The following PRSS23 variants were observed in gnomAD, a reference collection of about 807,000 sequenced individuals.
PRSS23 encodes the protein protease, serine 23.
A neutral mutation model predicts 34.7 loss-of-function variants in PRSS23; 25 were observed. The ratio of observed to expected loss-of-function variants is 0.72; its 90% confidence interval spans 0.53 to 1.01. PRSS23 has a LOEUF of 1.01. PRSS23 is among the 50% of genes least tolerant of loss of function. The pLI is 0.00. For missense variants in PRSS23, 445 were observed against 475.6 expected (o/e 0.94, Z 0.60); for synonymous variants, 176 against 186.6 (o/e 0.94, Z 0.46).
chr11:86,818,010 A>C (rs1565354395), intron 1 of PRSS23, among the ~76,000 whole-genome samples: 1 of 152,224 alleles, frequency 6.6e-6, no homozygotes, highest in Non-Finnish European at 1.5e-5. Context: ...CCATGCCTCC[A>C]GATTGGGAGT....
chr11:86,888,816 C>A (rs1161939725), intron 2 of PRSS23, among the ~76,000 whole-genome samples: 1 of 152,214 alleles, frequency 6.6e-6, no homozygotes, highest in African/African-American at 2.4e-5. Flanking sequence ...AGTTACCAAC[C>A]AGATGCTTCA....
In PRSS23 at chr11:86,824,222, C is replaced by A. The variant is rs937919094; in HGVS notation, c.206+629C>A. Among the ~76,000 whole-genome samples, 3 of 150,476 alleles carry A rather than the reference C, an allele frequency of 2.0e-5. No homozygotes were observed. In the South Asian group the frequency reaches 6.3e-4, roughly 32 times the overall value. On this transcript the variant is annotated intron_variant, in intron 2 of 2. Transcript: ENST00000533902. ...ACTTGGGAGGCTGAGGTGGGAGGAT[C>A]GCTTGAGCCTGGGAGGTGGAGATTG... is the stretch of plus-strand genomic sequence containing the variant.
At chr11:86,915,591 A>G (rs1893501) in intron 2 of PRSS23, among the ~76,000 whole-genome samples, 24,219 of 148,068 alleles carry the variant, frequency 0.16, 2,288 homozygotes, top group East Asian at 0.34. Flanking sequence ...TAATATATAT[A>G]TAACATATAA....
At chr11:86,873,544 A>C (rs1228948354) in intron 2 of PRSS23, among the ~76,000 whole-genome samples, 1 of 151,800 alleles carries the variant, frequency 6.6e-6, no homozygotes, top group Non-Finnish European at 1.5e-5. Flanking sequence ...CAGCCTCCCA[A>C]AGTGTTGGGA....
At chr11:86,796,536 G>A (rs865993140), upstream of PRSS23, among the ~76,000 whole-genome samples, 52 of 150,954 alleles carry the variant, frequency 3.4e-4, 2 homozygotes, top group Middle Eastern at 0.031. Context: ...AGCTACTCGG[G>A]AGGCTGAGGC....
chr11:86,795,379 C>A (rs1469972650), intron 1 of PRSS23, among the ~76,000 whole-genome samples: 1 of 152,188 alleles, frequency 6.6e-6, no homozygotes, highest in Non-Finnish European at 1.5e-5. Context: ...AAGTGAGGCA[C>A]AGAAGGTCAC....
At chr11:86,822,645 G>C (rs1449545248) in intron 1 of PRSS23, among the ~76,000 whole-genome samples, 1 of 146,966 alleles carries the variant, frequency 6.8e-6, no homozygotes, top group Non-Finnish European at 1.5e-5. Context: ...AAAAAATGCA[G>C]AACTAGGACC....
chr11:86,857,919 C>G, intron 2 of PRSS23: 1 of 476,350 alleles, frequency 2.1e-6, no homozygotes, highest in South Asian at 1.7e-5. Flanking sequence ...GGTACATGGA[C>G]AGGGAGAGCC....
chr11:86,923,373 CCTCCCAAAT>C (rs568573717), intron 2 of PRSS23, among the ~76,000 whole-genome samples: 1 of 152,238 alleles, frequency 6.6e-6, no homozygotes, highest in South Asian at 2.1e-4. Context: ...CCCACCTAAG[CCTCCCAAAT>C]TGCTGGGATT....
chr11:86,843,887 C>T (rs1270729082), intron 2 of PRSS23, among the ~76,000 whole-genome samples: 1 of 152,102 alleles, frequency 6.6e-6, no homozygotes, highest in African/African-American at 2.4e-5. Flanking sequence ...CTAGAAATAC[C>T]ATCTGACCCA....
At chr11:86,942,755 ATG>A (rs1464235696) in intron 2 of PRSS23, among the ~76,000 whole-genome samples, 1 of 152,242 alleles carries the variant, frequency 6.6e-6, no homozygotes. Flanking sequence ...TAAGAATTTC[ATG>A]TGAGGCCAAG....
upstream of PRSS23, among the ~76,000 whole-genome samples, chr11:86,797,202 G>A (rs1397299733): frequency 6.6e-6 from 1 of 152,264 alleles, no homozygotes; most frequent in Non-Finnish European, 1.5e-5. Flanking sequence ...TTAAGAAGCA[G>A]TGAGGATTTC....
intron 2 of PRSS23, among the ~76,000 whole-genome samples, chr11:86,918,539 T>C (rs1035766889): frequency 1.3e-5 from 2 of 152,240 alleles, no homozygotes; most frequent in African/African-American, 4.8e-5. Flanking sequence ...TCCCCTTCTC[T>C]GTCTTCATAG....
chr11:86,951,102 C>T (rs200205053), intron 2 of PRSS23: 1 of 1,601,740 alleles, frequency 6.2e-7, no homozygotes. Context: ...TGCTGGCATT[C>T]CCCCCTTCAA....
At chr11:86,877,455 T>G (rs911436789) in intron 2 of PRSS23, among the ~76,000 whole-genome samples, 2 of 152,238 alleles carry the variant, frequency 1.3e-5, no homozygotes, top group African/African-American at 2.4e-5. Flanking sequence ...TTAAACAGAA[T>G]TTTTATTAAC....
intron 2 of PRSS23, among the ~76,000 whole-genome samples, chr11:86,889,213 GT>G (rs1241092174): frequency 1.3e-5 from 2 of 152,182 alleles, no homozygotes; most frequent in Admixed American, 1.3e-4. Context: ...TTGTACGGGA[GT>G]GGTGTACAGT....
At chr11:86,951,198 CTCTCTT>C (rs1230016711) in intron 2 of PRSS23, 6 of 1,614,004 alleles carry the variant, frequency 3.7e-6, no homozygotes, top group Non-Finnish European at 5.1e-6. Flanking sequence ...CCTCTCTTCT[CTCTCTT>C]TACCTTTCCA....
In PRSS23 at chr11:86,881,356, T is replaced by G. The variant is rs137875454; in HGVS notation, c.206+57763T>G. Among the ~76,000 whole-genome samples the G allele has an allele frequency of 3.5e-4, 53 of 152,080 alleles. No homozygotes were observed. In the East Asian group the frequency reaches 9.8e-3, roughly 28 times the overall value. On this transcript the variant is annotated intron_variant, in intron 2 of 2. Coordinates refer to the PRSS23 transcript ENST00000533902. Reference sequence around the variant, plus strand: ...TTTTTTGCATCTATTGAGGTGATCATGTAGGGTTTTTCTCTGTATTCTATT... The same window carrying G: ...TTTTTTGCATCTATTGAGGTGATCAGGTAGGGTTTTTCTCTGTATTCTATT...
intron 2 of PRSS23, among the ~76,000 whole-genome samples, chr11:86,917,185 G>A (rs191469193): frequency 6.6e-6 from 1 of 152,238 alleles, no homozygotes; most frequent in Admixed American, 6.5e-5. Flanking sequence ...CAGGCGTGGT[G>A]GCACAAGCCT....
Sources: allele counts gnomAD v4.1 joint callset (sites outside exome capture counted in the v4.1 genomes callset), GRCh38; gene constraint gnomAD v4.1.1; transcripts MANE v1.5; gene names NCBI Gene and HGNC (gene_info 2026-07-23, HGNC 2026-07-21).